HGFAC: variants seen among roughly 807,000 people sequenced by gnomAD.
The protein encoded by HGFAC is HGF activator.
A neutral mutation model predicts 70.6 loss-of-function variants in HGFAC; 76 were observed. The observed-to-expected ratio is 1.08, with a 90% confidence interval of 0.89 to 1.30. The LOEUF (loss-of-function observed/expected upper bound fraction) is 1.30. Among genes scored for constraint, HGFAC ranks in the 50% most tolerant of loss-of-function variants. The probability of loss-of-function intolerance (pLI) is 0.00; values close to 1 mark genes in which losing one functional copy is unlikely to be tolerated. For synonymous variants in HGFAC, 464 were observed against 405.3 expected (o/e 1.14, Z -1.74); for missense variants, 1,044 against 933.7 (o/e 1.12, Z -1.54).
intron 1 of HGFAC, 40 bp downstream of exon 1, chr4:3,442,158 A>C (rs1224243995): frequency 8.1e-6 from 12 of 1,481,730 alleles, no homozygotes; most frequent in Non-Finnish European, 1.1e-5. Context: ...AGAGGTTCCC[A>C]GTGGCTACTT....
In HGFAC at chr4:3,446,221, G is replaced by A. The variant is rs781017955; in HGVS notation, c.1282G>A (p.Gly428Arg). ...SHPWLAAIYIGDSFCAGSLVH... is the reference protein window; with the variant it reads ...SHPWLAAIYIRDSFCAGSLVH... The stretch of plus-strand genomic sequence containing the variant: ...CCCCTGGCTGGCCGCCATCTACATC[G>A]GGGACAGCTTCTGCGCCGGGAGCCT... The change falls in exon 10 of 14, where the codon GGG (glycine) becomes AGG (arginine). Residue 428 changes from glycine (G) to arginine (R), a missense_variant. Coordinates refer to ENST00000382774, the MANE Select transcript of HGFAC (RefSeq NM_001528.4). The A allele has an allele frequency of 3.2e-5, 51 of 1,610,420 alleles. 1 individual carries two copies. The South Asian group carries it at 3.4e-4, about 11-fold the overall frequency.
chr4:3,445,681 T>C, intron 9 of HGFAC: 1 of 616,930 alleles, frequency 1.6e-6, no homozygotes, highest in South Asian at 2.0e-5. Flanking sequence ...ACCTGCTTCC[T>C]GCCCTGGGGA....
At chr4:3,449,182 G>A in intron 13 of HGFAC, 55 bp from the exon 14 acceptor site, 2 of 1,522,972 alleles carry the variant, frequency 1.3e-6, no homozygotes, top group Non-Finnish European at 1.8e-6. Context: ...GGGGGAGAGG[G>A]GGGTCCCTGA....
In HGFAC at chr4:3,444,025, C is replaced by T. The variant is rs369432164; in HGVS notation, c.476-14C>T. 18 of 1,570,302 alleles carry T rather than the reference C, an allele frequency of 1.1e-5. No homozygotes were observed. The highest frequency in any genetic ancestry group is 1.5e-5 in the Non-Finnish European group (17 of 1,162,880). ...CCCAGTCCGCCCCTCACACCCCCTC[C>T]CGCATGTCCCCAGCTGCCCTGGATC... On this transcript the variant is annotated splice_polypyrimidine_tract_variant and intron_variant, in intron 4 of 13. Coordinates refer to ENST00000382774, the MANE Select transcript of HGFAC (RefSeq NM_001528.4).
At position 3,446,271 on chromosome 4, in the gene HGFAC, G is replaced by A. The variant is rs754801802; in HGVS notation, c.1332G>A (p.Ser444=). 1.3e-5 allele frequency: 21 copies of A among 1,607,944 alleles called. No homozygotes were observed. Among genetic ancestry groups the A allele is most frequent in the Middle Eastern group, 1.7e-4 (1 of 6,018 alleles). The change falls in exon 10 of 14, where the codon TCG becomes TCA. Residue 444 remains serine, a synonymous_variant. Coordinates refer to ENST00000382774, the MANE Select transcript of HGFAC (RefSeq NM_001528.4). ...GSLVHTCWVV[S]AAHCFSHSPP... ...TGGTCCACACCTGCTGGGTGGTGTCGGCCGCCCACTGCTTCTCCCACAGGT... is the reference window on the plus strand; with the variant it reads ...TGGTCCACACCTGCTGGGTGGTGTCAGCCGCCCACTGCTTCTCCCACAGGT...
rs767935549 is a variant in HGFAC, at chr4:3,447,995, A to C, written c.1596A>C (p.Gly532=). The change falls in exon 12 of 14, where the codon GGA becomes GGC. Residue 532 remains glycine (G), a synonymous_variant. Coordinates refer to ENST00000382774, the MANE Select transcript of HGFAC (RefSeq NM_001528.4). Reference sequence around the variant, plus strand: ...AGCCCGGCAGCACCTTCCCCGCAGGACACAAGTGCCAGATTGCGGGCTGGG... The same window carrying C: ...AGCCCGGCAGCACCTTCCCCGCAGGCCACAAGTGCCAGATTGCGGGCTGGG... ...LPEPGSTFPA[G]HKCQIAGWGH... 1.3e-6 allele frequency: 2 copies of C among 1,575,890 alleles called. No homozygotes were observed. The highest frequency in any genetic ancestry group is 1.7e-6 in the Non-Finnish European group (2 of 1,161,622).
chr4:3,447,423 G>T (rs1725547108), intron 10 of HGFAC, 69 bp from the exon 11 acceptor site: 3 of 1,573,628 alleles, frequency 1.9e-6, no homozygotes, highest in Middle Eastern at 1.7e-4. Flanking sequence ...CCTGACAGGG[G>T]GTGGGGAGAG....
Position 3,445,165 on chromosome 4 carries a change from G to T in HGFAC, c.1017-100G>T, listed in dbSNP as rs1725458846. 3.8e-6 allele frequency: 5 copies of T among 1,307,216 alleles called. No individual in the cohort carries two copies. The South Asian group carries it at 6.4e-5, about 17-fold the overall frequency. 81.0% of individuals were successfully genotyped at this position (1,307,216 alleles called of 1,614,324 possible). On this transcript the variant is annotated intron_variant, in intron 8 of 13. Transcript: ENST00000382774. The stretch of plus-strand genomic sequence containing the variant: ...GGGCCACTCTCTTCCCACTGCTCCA[G>T]GTGCGGGGAACCGCCCTGCTGGGGG...
chr4:3,448,211 G>T lies in HGFAC; in HGVS notation c.1720G>T (p.Gly574Cys). Reference sequence around the variant, plus strand: ...CAAGTGCAGCAGCCCTGAGGTCTACGGCGCCGACATCAGCCCCAACATGCT... The same window carrying T: ...CAAGTGCAGCAGCCCTGAGGTCTACTGCGCCGACATCAGCCCCAACATGCT... ...DHKCSSPEVY[G>C]ADISPNMLCA... The change falls in exon 13 of 14, where the codon GGC becomes TGC. Residue 574 changes from glycine (G) to cysteine (C), a missense_variant. Physicochemically the swap from Gly to Cys is radical, Grantham distance 159 (BLOSUM62 -3). Coordinates refer to ENST00000382774, the MANE Select transcript of HGFAC (RefSeq NM_001528.4). The T allele has an allele frequency of 6.2e-7, 1 of 1,607,596 alleles. No homozygotes were observed. The highest frequency in any genetic ancestry group is 8.5e-7 in the Non-Finnish European group (1 of 1,178,528).
In HGFAC at chr4:3,448,217, G is replaced by C. The variant is rs769058964; in HGVS notation, c.1726G>C (p.Asp576His). The stretch of plus-strand genomic sequence containing the variant: ...CAGCAGCCCTGAGGTCTACGGCGCC[G>C]ACATCAGCCCCAACATGCTCTGTGC... ...KCSSPEVYGA[D>H]ISPNMLCAGY... Residue 576 changes from aspartate to histidine, a missense_variant, in exon 13 of 14, where the codon GAC becomes CAC. Coordinates refer to ENST00000382774, the MANE Select transcript of HGFAC (RefSeq NM_001528.4). 3 of 1,608,154 alleles carry C rather than the reference G, an allele frequency of 1.9e-6. No homozygotes were observed. In the African/African-American group the frequency reaches 4.0e-5, roughly 21 times the overall value.
rs1172171212 is a variant in HGFAC, at chr4:3,448,039, A to G, written c.1636+4A>G. ...GGCTGGGGCCACTTGGATGAGAGTG[A>G]GTTGGGAGGGGGGCGCCCAGCGCCC... On this transcript the variant is annotated splice_donor_region_variant and intron_variant, in intron 12 of 13. Coordinates refer to ENST00000382774, the MANE Select transcript of HGFAC (RefSeq NM_001528.4). 2 of 1,546,856 alleles carry G rather than the reference A, an allele frequency of 1.3e-6. No homozygotes were observed. Among genetic ancestry groups the G allele is most frequent in the Non-Finnish European group, 1.7e-6 (2 of 1,145,490 alleles).
chr4:3,449,093 C>G (rs1725635186), intron 13 of HGFAC, 144 bp from the exon 14 acceptor site: 1 of 718,792 alleles, frequency 1.4e-6, no homozygotes, highest in Non-Finnish European at 2.3e-6. Context: ...GAATGAGACA[C>G]CTTTTCATGA....
rs780180616 is a variant in HGFAC, at chr4:3,447,542, G to A, written c.1406G>A (p.Arg469His). 9.9e-6 allele frequency: 16 copies of A among 1,612,536 alleles called. No individual in the cohort carries two copies. The highest frequency in any genetic ancestry group is 1.6e-4 in the Middle Eastern group (1 of 6,080). Reference protein sequence around the residue: ...SVVLGQHFFNRTTDVTQTFGI... With the variant: ...SVVLGQHFFNHTTDVTQTFGI... ...GTGCTGGGCCAGCACTTCTTCAACCGCACGACGGACGTGACGCAGACCTTC... is the reference window on the plus strand; with the variant it reads ...GTGCTGGGCCAGCACTTCTTCAACCACACGACGGACGTGACGCAGACCTTC... Residue 469 changes from arginine (R) to histidine (H), a missense_variant, in exon 11 of 14, where the codon CGC (arginine) becomes CAC (histidine). Physicochemically the swap from Arg to His is conservative, Grantham distance 29. Transcript: ENST00000382774.
At position 3,448,115 on chromosome 4, in the gene HGFAC, T is replaced by C. The variant is rs1341295666; in HGVS notation, c.1637-13T>C. 3 of 1,581,782 alleles carry C rather than the reference T, an allele frequency of 1.9e-6. No homozygotes were observed. Among genetic ancestry groups the C allele is most frequent in the South Asian group, 2.3e-5 (2 of 87,096 alleles). On this transcript the variant is annotated splice_polypyrimidine_tract_variant and intron_variant, in intron 12 of 13. Transcript: ENST00000382774. ...CAGTGTGGGTGTCACGCTGAGGGCA[T>C]TGTGTCCCACAGACGTGAGCGGCTA...
At chr4:3,447,416 G>C in intron 10 of HGFAC, 76 bp from the exon 11 acceptor site, 1 of 1,551,542 alleles carries the variant, frequency 6.4e-7, no homozygotes, top group Non-Finnish European at 8.8e-7. Context: ...CCGTGGGCCT[G>C]ACAGGGGGTG....
In HGFAC at chr4:3,445,363, C is replaced by CG; in HGVS notation, c.1102+19dup. On this transcript the variant is annotated intron_variant, in intron 9 of 13. Transcript: ENST00000382774. The stretch of plus-strand genomic sequence containing the variant: ...CTGGAGGCCTGCGGTGCGCGGCTGG[C>CG]GGGGGGTGCTGCCTTGGGCCCCACC... The CG allele has an allele frequency of 4.5e-6, 7 of 1,551,068 alleles. No individual in the cohort carries two copies. The highest frequency in any genetic ancestry group is 6.1e-6 in the Non-Finnish European group (7 of 1,145,288).
Position 3,448,144 on chromosome 4 carries a change from C to G in HGFAC, c.1653C>G (p.Ser551=). ...GHLDENVSGY[S]SSLREALVPL... is the part of the protein sequence containing the mutation. Reference sequence around the variant, plus strand: ...GTCCCACAGACGTGAGCGGCTACTCCAGCTCCCTGCGGGAGGCCCTGGTCC... The same window carrying G: ...GTCCCACAGACGTGAGCGGCTACTCGAGCTCCCTGCGGGAGGCCCTGGTCC... The change falls in exon 13 of 14, where the codon TCC becomes TCG. Residue 551 remains serine, a synonymous_variant. Transcript: ENST00000382774. 6 of 1,595,162 alleles carry G rather than the reference C, an allele frequency of 3.8e-6. No individual in the cohort carries two copies. Among genetic ancestry groups the G allele is most frequent in the Non-Finnish European group, 5.1e-6 (6 of 1,172,062 alleles).
rs769600598 is a variant in HGFAC at position 3,446,274 on chromosome 4, C to A, written c.1335C>A (p.Ala445=). Residue 445 remains alanine (A), a synonymous_variant, in exon 10 of 14, where the codon GCC becomes GCA. Transcript: ENST00000382774. ...SLVHTCWVVS[A]AHCFSHSPPR... ...TCCACACCTGCTGGGTGGTGTCGGC[C>A]GCCCACTGCTTCTCCCACAGGTGCA... The A allele has an allele frequency of 1.2e-6, 2 of 1,607,710 alleles. No individual in the cohort carries two copies. Among genetic ancestry groups the A allele is most frequent in the East Asian group, 4.5e-5 (2 of 44,732 alleles).
chr4:3,443,908 C>T (rs1477729841), intron 4 of HGFAC, 131 bp from the exon 5 acceptor site: 10 of 986,718 alleles, frequency 1.0e-5, no homozygotes, highest in African/African-American at 6.6e-5. Context: ...CCCCGAGGGG[C>T]GTAGAGAGGG....
Sources: gnomAD v4.1 joint callset for allele counts on GRCh38, gnomAD v4.1.1 for gene constraint, MANE v1.5 for transcripts, NCBI Gene and HGNC (gene_info 2026-07-23, HGNC 2026-07-21) for gene names.